ABLIM2: variants seen among roughly 807,000 people sequenced by gnomAD.
The protein encoded by ABLIM2 is actin-binding LIM protein 2.
A neutral mutation model predicts 97.7 loss-of-function variants in ABLIM2; 53 were observed. The observed-to-expected ratio is 0.54, with a 90% CI of 0.44 to 0.68. The LOEUF (loss-of-function observed/expected upper bound fraction) is 0.68, where lower values mean the gene tolerates loss of function less well. Among genes scored for constraint, ABLIM2 ranks in the 30% least tolerant of loss-of-function variants. The pLI is 0.00. For missense variants in ABLIM2, 835 were observed against 867.2 expected (o/e 0.96, Z 0.47); for synonymous variants, 361 against 345.8 (o/e 1.04, Z -0.49).
intron 10 of ABLIM2, among the ~76,000 whole-genome samples, chr4:8,030,589 G>A (rs924059441): frequency 3.3e-5 from 5 of 152,202 alleles, no homozygotes; most frequent in Admixed American, 6.5e-5. Flanking sequence ...TGCCTGGTGC[G>A]CCACCTCCAT....
At chr4:8,030,419 A>C (rs1389402961) in intron 10 of ABLIM2, among the ~76,000 whole-genome samples, 1 of 152,190 alleles carries the variant, frequency 6.6e-6, no homozygotes, top group African/African-American at 2.4e-5. Context: ...GTCCCGGGTC[A>C]TTACATGGCC....
At chr4:8,100,749 G>GAAAAAAAA (rs57318831) in intron 2 of ABLIM2, among the ~76,000 whole-genome samples, 2 of 100,210 alleles carry the variant, frequency 2.0e-5, no homozygotes, top group African/African-American at 4.0e-5. Context: ...TCCATCTCAG[G>GAAAAAAAA]AAAAAAAAAA....
Position 8,158,743 on chromosome 4 carries a change from G to T in ABLIM2, c.-54C>A. 7.4e-7 allele frequency: 1 copy of T among 1,351,744 alleles called. No individual in the cohort carries two copies. The highest frequency in any genetic ancestry group is 9.5e-7 in the Non-Finnish European group (1 of 1,054,158). The allele number at this position is 1,351,744 out of a possible 1,614,324, so 83.7% of individuals were successfully genotyped here. A position where few individuals can be genotyped will look rare whatever the true frequency, so the allele number is the denominator to read the frequency against. ...CCGGCGCTGCGACAGCCAGACCCTC[G>T]GGCCCGCAGGTGCCGCGCCCGCGCT... On this transcript the variant is annotated 5_prime_UTR_variant, in exon 1 of 21. Transcript: ENST00000447017.
rs1416602779 is a variant in ABLIM2 at position 7,998,532 on chromosome 4, GGGGGT to G, written c.1619-5610_1619-5606del. On this transcript the variant is annotated intron_variant, in intron 16 of 20. Coordinates refer to ENST00000447017, the MANE Select transcript of ABLIM2 (RefSeq NM_001130083.2). This position sits in a 1 kb window ranked among gnomAD's most constrained non-coding sequence, Gnocchi z 6.4. ...CTTGGGGTGTCCTGTGTCGCTGGGT[GGGGGT>G]GGGAGATGCCTGCCACGGGTGGAGA... 6.7e-6 allele frequency: 3 copies of G among 450,696 alleles called. No homozygotes were observed. The highest frequency in any genetic ancestry group is 1.4e-5 in the Non-Finnish European group (3 of 222,122). 27.9% of individuals were successfully genotyped at this position (450,696 alleles called of 1,614,324 possible).
chr4:8,127,569 C>A lies in ABLIM2; in HGVS notation c.11-20932G>T, dbSNP rs970481880. 1 of 1,289,820 alleles carries A rather than the reference C, an allele frequency of 7.8e-7. No homozygotes were observed. The highest frequency in any genetic ancestry group is 1.5e-5 in the African/African-American group (1 of 66,004). 79.9% of individuals were successfully genotyped at this position (1,289,820 alleles called of 1,614,324 possible). ...TACCTGTGTCTCCCCCTGGCACCCC[C>A]ATGGAGCGTGGCTGCTTGCAAAGGG... is the stretch of plus-strand genomic sequence containing the variant. On this transcript the variant is annotated intron_variant, in intron 1 of 20. Transcript: ENST00000447017. The surrounding 1 kb of genome is among the most constrained non-coding windows in gnomAD (Gnocchi z 7.3).
intron 10 of ABLIM2, among the ~76,000 whole-genome samples, chr4:8,031,328 G>A (rs1560774550): frequency 6.7e-6 from 1 of 149,578 alleles, no homozygotes; most frequent in African/African-American, 2.4e-5. Context: ...TGTGCTCTGT[G>A]TCAGGCAGAC....
chr4:8,099,965 G>A (rs552519937), intron 2 of ABLIM2, among the ~76,000 whole-genome samples: 2 of 152,188 alleles, frequency 1.3e-5, no homozygotes, highest in South Asian at 2.1e-4. Context: ...TTCTTATATT[G>A]CATTTTGCAA....
chr4:8,118,826 C>T (rs557947778), intron 1 of ABLIM2, among the ~76,000 whole-genome samples: 3 of 152,366 alleles, frequency 2.0e-5, no homozygotes, highest in South Asian at 4.1e-4. Context: ...GTACCGACAG[C>T]GTATTCACAG....
At chr4:7,994,486 T>TA in intron 16 of ABLIM2, among the ~76,000 whole-genome samples, 1 of 49,292 alleles carries the variant, frequency 2.0e-5, no homozygotes, top group Non-Finnish European at 5.3e-5. Flanking sequence ...ATTTTCTTAA[T>TA]CCAGTCTATC....
intron 6 of ABLIM2, among the ~76,000 whole-genome samples, chr4:8,070,235 C>T (rs1811034227): frequency 6.8e-6 from 1 of 147,962 alleles, no homozygotes; most frequent in African/African-American, 2.5e-5. Flanking sequence ...TGTGTTTTGT[C>T]CTGTGTCTCT....
chr4:8,036,232 T>C lies in ABLIM2; in HGVS notation c.964A>G (p.Ile322Val), dbSNP rs1410452488. 1 of 1,613,746 alleles carries C rather than the reference T, an allele frequency of 6.2e-7. No individual in the cohort carries two copies. The highest frequency in any genetic ancestry group is 8.5e-7 in the Non-Finnish European group (1 of 1,179,808). The change falls in exon 10 of 21, where the codon ATC becomes GTC. Residue 322 changes from isoleucine (I) to valine (V), a missense_variant. Coordinates refer to ENST00000447017, the MANE Select transcript of ABLIM2 (RefSeq NM_001130083.2). ...DLAALPKSKA[I>V]YDIDRPDMIS... is the part of the protein sequence containing the mutation. ...ATGTCGGGGCGGTCGATGTCATAGA[T>C]GGCCTTACTTTTAGGAAGGGCTGCC...
Position 8,121,391 on chromosome 4 carries a change from G to A in ABLIM2, c.11-14754C>T, listed in dbSNP as rs751522804. Reference sequence around the variant, plus strand: ...CAGGCCTCCAGTCGCTGGCCCAGGCGCCCCCGGCACCCACATTCCTGGAGG... The same window carrying A: ...CAGGCCTCCAGTCGCTGGCCCAGGCACCCCCGGCACCCACATTCCTGGAGG... On this transcript the variant is annotated intron_variant, in intron 1 of 20. Transcript: ENST00000447017. Among the ~76,000 whole-genome samples, 12 of 152,184 alleles carry A rather than the reference G, an allele frequency of 7.9e-5. No individual in the cohort carries two copies. In the East Asian group the frequency reaches 1.2e-3, roughly 15 times the overall value.
chr4:8,149,836 C>T lies in ABLIM2; in HGVS notation c.10+8844G>A, dbSNP rs967110295. ...GGACTGGCCCTGCGCCCAGACAGGACGGGGCCTATGGAGTAAGACCCCACA... is the reference window on the plus strand; with the variant it reads ...GGACTGGCCCTGCGCCCAGACAGGATGGGGCCTATGGAGTAAGACCCCACA... On this transcript the variant is annotated intron_variant, in intron 1 of 20. Coordinates refer to ENST00000447017, the MANE Select transcript of ABLIM2 (RefSeq NM_001130083.2). This position sits in a 1 kb window ranked among gnomAD's most constrained non-coding sequence, Gnocchi z 6.4. Among the ~76,000 whole-genome samples the T allele has an allele frequency of 1.3e-5, 2 of 152,154 alleles. No individual in the cohort carries two copies. Among genetic ancestry groups the T allele is most frequent in the East Asian group, 1.9e-4 (1 of 5,134 alleles).
intron 16 of ABLIM2, among the ~76,000 whole-genome samples, chr4:7,994,582 A>ATATCTACAACTATCT: frequency 1.3e-5 from 1 of 75,146 alleles, no homozygotes; most frequent in Non-Finnish European, 3.3e-5. Context: ...TCTTTATAGC[A>ATATCTACAACTATCT]GCATGATTTA....
chr4:7,967,796 T>C (rs537410903), intron 20 of ABLIM2, among the ~76,000 whole-genome samples: 5 of 152,330 alleles, frequency 3.3e-5, no homozygotes, highest in African/African-American at 1.2e-4. Context: ...ATCTGTGTAA[T>C]GGGGTCCCCT....
intron 5 of ABLIM2, 59 bp downstream of exon 5, chr4:8,080,617 C>T (rs1307279315): frequency 8.7e-6 from 13 of 1,490,680 alleles, no homozygotes; most frequent in African/African-American, 4.2e-5. Context: ...GAGTGTGGGA[C>T]CCCCACAGAG....
chr4:8,026,530 G>A lies in ABLIM2; in HGVS notation c.1267+1229C>T, dbSNP rs963662615. On this transcript the variant is annotated intron_variant, in intron 12 of 20. Transcript: ENST00000447017. ...GTCCAGCTGCCTGCCCCACCTTCTC[G>A]CTGCCTGCGGCCTGGGAGGCTTTTC... Among the ~76,000 whole-genome samples, 3 of 152,240 alleles carry A rather than the reference G, an allele frequency of 2.0e-5. No homozygotes were observed. In the South Asian group the frequency reaches 6.2e-4, roughly 31 times the overall value.
chr4:8,032,801 G>T lies in ABLIM2; in HGVS notation c.1048-3025C>A. 1.0e-6 allele frequency: 1 copy of T among 992,394 alleles called. No homozygotes were observed. Among genetic ancestry groups the T allele is most frequent in the Non-Finnish European group, 1.6e-6 (1 of 635,328 alleles). The allele number at this position is 992,394 out of a possible 1,614,324, so 61.5% of individuals were successfully genotyped here. ...ACCCACACAGAGCCCTGATCCTCCA[G>T]ACAGGAAAAGAACTCTACCCCGAGA... On this transcript the variant is annotated intron_variant, in intron 10 of 20. Coordinates refer to ENST00000447017, the MANE Select transcript of ABLIM2 (RefSeq NM_001130083.2). The surrounding 1 kb of genome is among the most constrained non-coding windows in gnomAD (Gnocchi z 4.3).
intron 10 of ABLIM2, among the ~76,000 whole-genome samples, chr4:8,035,939 C>A (rs562735962): frequency 6.6e-6 from 1 of 152,218 alleles, no homozygotes; most frequent in Non-Finnish European, 1.5e-5. Flanking sequence ...CCTTCAGCAA[C>A]GGCAGCTTTG....
Sources: allele counts gnomAD v4.1 joint callset (sites outside exome capture counted in the v4.1 genomes callset), GRCh38; gene constraint gnomAD v4.1.1; non-coding constraint Gnocchi (gnomAD v3.1); transcripts MANE v1.5; gene names NCBI Gene and HGNC (gene_info 2026-07-23, HGNC 2026-07-21).